EGFLAM: variants seen among roughly 807,000 people sequenced by gnomAD.
EGFLAM encodes the protein EGF like, fibronectin type III and laminin G domains.
A neutral mutation model predicts 113.1 loss-of-function variants in EGFLAM; 79 were observed. That is an observed-to-expected ratio of 0.70 (90% CI 0.58 to 0.84). The LOEUF (loss-of-function observed/expected upper bound fraction) is 0.84, where lower values mean the gene tolerates loss of function less well. Among genes scored for constraint, EGFLAM ranks in the 40% least tolerant of loss-of-function variants. EGFLAM has a pLI of 0.00. For missense variants in EGFLAM, 1,265 were observed against 1,291.6 expected, an observed-to-expected ratio of 0.98 and a Z score of 0.32; for synonymous variants, 504 against 487.6, an observed-to-expected ratio of 1.03 and a Z score of -0.44.
chr5:38,265,555 G>A (rs1452503622), intron 1 of EGFLAM, among the ~76,000 whole-genome samples: 1 of 152,218 alleles, frequency 6.6e-6, no homozygotes, highest in East Asian at 1.9e-4. Flanking sequence ...AGATATGGCA[G>A]CCTTTAGAGG....
At chr5:38,401,183 C>G (rs1741101986) in intron 6 of EGFLAM, 1 of 152,144 alleles carries the variant, frequency 6.6e-6, no homozygotes, top group Non-Finnish European at 1.5e-5. Flanking sequence ...TGCTTGTGGT[C>G]CTTTTCTCTG....
At chr5:38,412,411 G>A in intron 10 of EGFLAM, 93 bp from the exon 11 acceptor site, 1 of 1,578,022 alleles carries the variant, frequency 6.3e-7, no homozygotes, top group Non-Finnish European at 8.7e-7. Context: ...GACTCTGAAG[G>A]GAGCTGTTGA....
chr5:38,293,620 A>C (rs1026337691), intron 1 of EGFLAM, among the ~76,000 whole-genome samples: 20 of 152,334 alleles, frequency 1.3e-4, no homozygotes, highest in Non-Finnish European at 2.5e-4. Context: ...TGGTTCTTCA[A>C]GATACAAATG....
At chr5:38,427,868 C>T (rs1742067076) in intron 14 of EGFLAM, among the ~76,000 whole-genome samples, 1 of 152,132 alleles carries the variant, frequency 6.6e-6, no homozygotes, top group Admixed American at 6.5e-5. Flanking sequence ...GCAGTACTTG[C>T]TGGTATTTGC....
intron 19 of EGFLAM, among the ~76,000 whole-genome samples, chr5:38,457,035 T>G (rs539221203): frequency 3.0e-4 from 45 of 152,300 alleles, no homozygotes; most frequent in African/African-American, 1.1e-3. Flanking sequence ...CATGTTCATG[T>G]TTTCTGAAAC....
At chr5:38,423,692 G>T (rs906530378) in intron 12 of EGFLAM, among the ~76,000 whole-genome samples, 1 of 152,172 alleles carries the variant, frequency 6.6e-6, no homozygotes, top group Non-Finnish European at 1.5e-5. Context: ...TGTGGCTGGA[G>T]ACCACTGGTC....
At chr5:38,453,854 G>A (rs1350776798) in intron 19 of EGFLAM, among the ~76,000 whole-genome samples, 1 of 152,114 alleles carries the variant, frequency 6.6e-6, no homozygotes, top group Non-Finnish European at 1.5e-5. Flanking sequence ...CTCCAGTAGG[G>A]AAACAGCTCC....
At chr5:38,297,605 A>T (rs1435617159) in intron 1 of EGFLAM, among the ~76,000 whole-genome samples, 3 of 152,206 alleles carry the variant, frequency 2.0e-5, no homozygotes, top group Non-Finnish European at 2.9e-5. Flanking sequence ...CACATCTGAA[A>T]TGGAAAGAAG....
At chr5:38,446,992 A>G (rs892309182) in intron 17 of EGFLAM, among the ~76,000 whole-genome samples, 1 of 152,142 alleles carries the variant, frequency 6.6e-6, no homozygotes, top group Non-Finnish European at 1.5e-5. Flanking sequence ...CGTGTTTTAT[A>G]AACCTTCTTA....
At chr5:38,424,039 C>T (rs950045873) in intron 12 of EGFLAM, among the ~76,000 whole-genome samples, 43 of 152,238 alleles carry the variant, frequency 2.8e-4, no homozygotes, top group African/African-American at 1.0e-3. Context: ...ACAGCTGGAC[C>T]CTTCACTTCC....
At chr5:38,417,591 A>G (rs1741693661) in intron 11 of EGFLAM, among the ~76,000 whole-genome samples, 1 of 151,892 alleles carries the variant, frequency 6.6e-6, no homozygotes, top group African/African-American at 2.4e-5. Context: ...CACCCCAACA[A>G]TGTTTCTCTC....
intron 5 of EGFLAM, among the ~76,000 whole-genome samples, chr5:38,367,410 TA>T (rs772973739): frequency 5.2e-4 from 78 of 150,428 alleles, no homozygotes; most frequent in Non-Finnish European, 1.0e-3. Context: ...CCATGCTGGC[TA>T]ATTTTTTTTT....
chr5:38,412,777 A>G (rs1164382597), intron 11 of EGFLAM, 129 bp downstream of exon 11: 29 of 1,369,740 alleles, frequency 2.1e-5, no homozygotes, highest in Non-Finnish European at 2.7e-5. Context: ...GGTAAGGCCT[A>G]TTTCTCATGG....
intron 1 of EGFLAM, among the ~76,000 whole-genome samples, chr5:38,308,068 G>A (rs1346612709): frequency 6.6e-6 from 1 of 152,314 alleles, no homozygotes; most frequent in Non-Finnish European, 1.5e-5. Flanking sequence ...AGAAAAATAT[G>A]TTGTTGGAAA....
chr5:38,370,239 T>TC, intron 5 of EGFLAM, 57 bp from the exon 6 acceptor site: 1 of 1,569,086 alleles, frequency 6.4e-7, no homozygotes, highest in Non-Finnish European at 8.7e-7. Flanking sequence ...CCAGCTAGCT[T>TC]CCCTTCCCTC....
intron 6 of EGFLAM, among the ~76,000 whole-genome samples, chr5:38,404,544 G>C (rs1431404574): frequency 1.3e-5 from 2 of 152,172 alleles, no homozygotes; most frequent in African/African-American, 4.8e-5. Flanking sequence ...AATGTAGGAG[G>C]GTGAGTTTGT....
intron 3 of EGFLAM, among the ~76,000 whole-genome samples, chr5:38,342,832 G>A (rs2589785): frequency 6.6e-6 from 1 of 151,864 alleles, no homozygotes; most frequent in African/African-American, 2.4e-5. Context: ...CATATGCTAC[G>A]GTACTAATAT....
chr5:38,427,274 G>A, intron 14 of EGFLAM, 22 bp downstream of exon 14: 3 of 1,606,028 alleles, frequency 1.9e-6, no homozygotes, highest in Non-Finnish European at 2.6e-6. Flanking sequence ...AAACTTCTGG[G>A]ACTCTTTCCC....
intron 18 of EGFLAM, among the ~76,000 whole-genome samples, chr5:38,449,343 C>A (rs557782838): frequency 6.6e-6 from 1 of 152,298 alleles, no homozygotes; most frequent in Admixed American, 6.5e-5. Flanking sequence ...TAACGCCCAA[C>A]ACACACCAGG....
Sources: gnomAD v4.1 joint callset for allele counts (sites outside exome capture counted in the v4.1 genomes callset) on GRCh38, gnomAD v4.1.1 for gene constraint, MANE v1.5 for transcripts, NCBI Gene and HGNC (gene_info 2026-07-23, HGNC 2026-07-21) for gene names.